The following ASH1L variants were observed in gnomAD, a reference collection of about 807,000 sequenced individuals.
The protein encoded by ASH1L is ASH1 like histone lysine methyltransferase.
In ASH1L, 23 loss-of-function variants were observed where a neutral mutation model predicts 269.0. That is an observed-to-expected ratio of 0.09 (90% confidence interval 0.06 to 0.12). ASH1L has a LOEUF of 0.12. Ranked by LOEUF, ASH1L falls within the 10% of genes least tolerant of loss-of-function variation. The pLI, the probability that ASH1L is intolerant of heterozygous loss-of-function variation, is 1.00. For missense variants in ASH1L, 2,912 were observed against 3,567.8 expected (o/e 0.82, Z 4.68); for synonymous variants, 1,187 against 1,253.5 (o/e 0.95, Z 1.12).
Position 155,562,220 on chromosome 1 carries a change from C to T in ASH1L, c.-167G>A, listed in dbSNP as rs1016562238. ...AGGGAAGTGGGGAAGAGGGGGTGGC[C>T]GCCAGGCTCCTCCGCTTCCCTGGGT... On this transcript the variant is annotated 5_prime_UTR_variant, in exon 1 of 28. Coordinates refer to ENST00000392403, the MANE Select transcript of ASH1L (RefSeq NM_018489.3). 1.2e-6 allele frequency: 2 copies of T among 1,609,562 alleles called. No individual in the cohort carries two copies. The highest frequency in any genetic ancestry group is 1.3e-5 in the African/African-American group (1 of 74,968).
intron 1 of ASH1L, among the ~76,000 whole-genome samples, chr1:155,526,873 C>A (rs1018130816): frequency 6.6e-6 from 1 of 152,116 alleles, no homozygotes; most frequent in African/African-American, 2.4e-5. Flanking sequence ...TGCCAATAAG[C>A]CTGAAAACAA....
At chr1:155,390,632 T>TCC (rs538641218) in intron 7 of ASH1L, among the ~76,000 whole-genome samples, 14 of 98,378 alleles carry the variant, frequency 1.4e-4, no homozygotes, top group East Asian at 3.5e-4. Context: ...AATATCATTC[T>TCC]CCCCCCCCCC....
In ASH1L at chr1:155,479,276, G is replaced by A. The variant is rs144333010; in HGVS notation, c.3594C>T (p.Pro1198=). 443 of 1,614,014 alleles carry A rather than the reference G, an allele frequency of 2.7e-4. 2 individuals are homozygous for A. In the African/African-American group the frequency reaches 5.2e-3, roughly 19 times the overall value. Reference sequence around the variant, plus strand: ...TATCTGTTCCAATTCCACTATCACTGGGAATGGTCTCATCACTATGAGACT... The same window carrying A: ...TATCTGTTCCAATTCCACTATCACTAGGAATGGTCTCATCACTATGAGACT... ...ISESHSDETI[P]SDSGIGTDNN... is the part of the protein sequence containing the mutation. Residue 1198 remains proline (P), a synonymous_variant, in exon 3 of 28, where the codon CCC becomes CCT. Coordinates refer to ENST00000392403, the MANE Select transcript of ASH1L (RefSeq NM_018489.3).
chr1:155,555,691 T>A (rs1671539192), intron 1 of ASH1L, among the ~76,000 whole-genome samples: 1 of 152,122 alleles, frequency 6.6e-6, no homozygotes, highest in East Asian at 1.9e-4. Context: ...AATGCAAACA[T>A]CGAAAAGCAA....
At chr1:155,517,072 TTATTGTTTA>T (rs1419808384) in intron 2 of ASH1L, among the ~76,000 whole-genome samples, 22 of 152,206 alleles carry the variant, frequency 1.4e-4, no homozygotes, top group Non-Finnish European at 1.5e-5. Context: ...AATCCCAACA[TTATTGTTTA>T]AAGAAACAGA....
intron 7 of ASH1L, among the ~76,000 whole-genome samples, chr1:155,385,844 T>C (rs1273210134): frequency 6.6e-6 from 1 of 152,120 alleles, no homozygotes; most frequent in East Asian, 1.9e-4. Flanking sequence ...AACCTGAGTG[T>C]TGGGGGATGG....
intron 4 of ASH1L, among the ~76,000 whole-genome samples, chr1:155,442,976 C>T (rs142448039): frequency 6.6e-6 from 1 of 152,290 alleles, no homozygotes; most frequent in East Asian, 1.9e-4. Flanking sequence ...AAGAATTATC[C>T]TAATACTTTC....
intron 1 of ASH1L, among the ~76,000 whole-genome samples, chr1:155,553,716 T>C: frequency 6.6e-6 from 1 of 152,190 alleles, no homozygotes; most frequent in Non-Finnish European, 1.5e-5. Flanking sequence ...TTACATAGTA[T>C]GTATCGTAGT....
At chr1:155,420,859 A>AT (rs1329559494) in intron 5 of ASH1L, among the ~76,000 whole-genome samples, 1 of 150,672 alleles carries the variant, frequency 6.6e-6, no homozygotes, top group Admixed American at 6.7e-5. Context: ...AAAAAAAAAA[A>AT]AAAATCAAAG....
At chr1:155,359,970 G>A (rs148835219) in intron 13 of ASH1L, among the ~76,000 whole-genome samples, 19 of 151,782 alleles carry the variant, frequency 1.3e-4, no homozygotes, top group African/African-American at 4.1e-4. Context: ...TCAACGTAAC[G>A]CAACCTCCGC....
chr1:155,470,008 T>A (rs1217660511), intron 3 of ASH1L, among the ~76,000 whole-genome samples: 1 of 152,128 alleles, frequency 6.6e-6, no homozygotes, highest in Non-Finnish European at 1.5e-5. Context: ...CAGTAACACA[T>A]CCCCATGCCC....
At chr1:155,433,519 G>C in intron 5 of ASH1L, 1 of 1,609,934 alleles carries the variant, frequency 6.2e-7, no homozygotes, top group Non-Finnish European at 8.5e-7. Flanking sequence ...CCTCCCTGGA[G>C]CCCTGCACCG....
intron 5 of ASH1L, among the ~76,000 whole-genome samples, chr1:155,420,088 CG>C (rs1660543002): frequency 6.6e-6 from 1 of 152,050 alleles, no homozygotes; most frequent in East Asian, 1.9e-4. Flanking sequence ...GAGGATGAGG[CG>C]GGCGGACCAC....
At chr1:155,440,430 A>G (rs1302807682) in intron 4 of ASH1L, 1 of 214,802 alleles carries the variant, frequency 4.7e-6, no homozygotes, top group Non-Finnish European at 8.0e-6. Context: ...ACTTTCAATT[A>G]CTTGCAACTC....
intron 1 of ASH1L, among the ~76,000 whole-genome samples, chr1:155,543,671 T>A (rs1474723712): frequency 6.6e-6 from 1 of 150,852 alleles, no homozygotes; most frequent in Non-Finnish European, 1.5e-5. Flanking sequence ...GTGGCTCACA[T>A]CTATAATCCC....
chr1:155,369,087 TA>T (rs1655693255), intron 12 of ASH1L, among the ~76,000 whole-genome samples: 1 of 152,136 alleles, frequency 6.6e-6, no homozygotes, highest in African/African-American at 2.4e-5. Flanking sequence ...CATATTTTCA[TA>T]GGGGTGTTGG....
At chr1:155,345,619 G>A (rs1309005003) in intron 21 of ASH1L, among the ~76,000 whole-genome samples, 2 of 138,978 alleles carry the variant, frequency 1.4e-5, no homozygotes, top group African/African-American at 5.5e-5. Context: ...CTGTTGCCCA[G>A]GCTAGAATGC....
At chr1:155,423,909 TAG>T (rs1312250171) in intron 5 of ASH1L, among the ~76,000 whole-genome samples, 5 of 152,064 alleles carry the variant, frequency 3.3e-5, no homozygotes, top group Non-Finnish European at 7.4e-5. Flanking sequence ...GTATTTTTAG[TAG>T]AGACAGGGTT....
At chr1:155,504,202 T>C (rs1667678581) in intron 2 of ASH1L, among the ~76,000 whole-genome samples, 1 of 152,230 alleles carries the variant, frequency 6.6e-6, no homozygotes, top group East Asian at 1.9e-4. Context: ...TGGAAGGTAA[T>C]TCTTAATTGC....
Sources: gnomAD v4.1 joint callset for allele counts (sites outside exome capture counted in the v4.1 genomes callset) on GRCh38, gnomAD v4.1.1 for gene constraint, MANE v1.5 for transcripts, NCBI Gene and HGNC (gene_info 2026-07-23, HGNC 2026-07-21) for gene names.